Variants in MCTP1 observed in about 807,000 individuals in gnomAD.
MCTP1 encodes multiple C2 and transmembrane domain-containing protein 1.
MCTP1 carries 69 observed loss-of-function variants against 120.6 expected under a neutral mutation model. That is an observed-to-expected ratio of 0.57 (90% confidence interval 0.47 to 0.70). The LOEUF is 0.70. MCTP1 is among the 30% of genes least tolerant of loss of function. MCTP1 has a pLI of 0.00. For missense variants in MCTP1, 1,203 were observed against 1,248.8 expected (o/e 0.96, Z 0.55); for synonymous variants, 529 against 493.1 (o/e 1.07, Z -0.96).
chr5:94,821,990 A>C lies in MCTP1; in HGVS notation c.2437-22858T>G, dbSNP rs1358180278. ...GTAGCATGTGGCTCAAAGAGGTTTAAATATTAGGTTGCTGCAAAAGTAACT... is the reference window on the plus strand; with the variant it reads ...GTAGCATGTGGCTCAAAGAGGTTTACATATTAGGTTGCTGCAAAAGTAACT... On this transcript the variant is annotated intron_variant, in intron 17 of 22. Transcript: ENST00000515393. Among the ~76,000 whole-genome samples, 10 of 152,254 alleles carry C rather than the reference A, an allele frequency of 6.6e-5. No individual in the cohort carries two copies. The South Asian group carries it at 8.3e-4, about 13-fold the overall frequency.
intron 19 of MCTP1, among the ~76,000 whole-genome samples, chr5:94,740,021 A>G (rs1004636438): frequency 1.2e-4 from 19 of 152,186 alleles, no homozygotes; most frequent in African/African-American, 4.3e-4. Context: ...TCTTCATCAC[A>G]TGAAGTGCTA....
intron 2 of MCTP1, among the ~76,000 whole-genome samples, chr5:94,974,611 T>C (rs1258634077): frequency 6.6e-6 from 1 of 152,128 alleles, no homozygotes; most frequent in Non-Finnish European, 1.5e-5. Context: ...AGAGGATTCA[T>C]TGGCTTTGTT....
At chr5:94,800,695 T>C (rs1781055004) in intron 17 of MCTP1, among the ~76,000 whole-genome samples, 1 of 152,174 alleles carries the variant, frequency 6.6e-6, no homozygotes, top group Admixed American at 6.5e-5. Flanking sequence ...ACCATCCGTT[T>C]TTTCAATGTG....
intron 17 of MCTP1, among the ~76,000 whole-genome samples, chr5:94,806,842 T>G (rs942044026): frequency 6.6e-6 from 1 of 152,018 alleles, no homozygotes; most frequent in Non-Finnish European, 1.5e-5. Context: ...AATTAAGAGA[T>G]GAGATTCTCT....
intron 17 of MCTP1, among the ~76,000 whole-genome samples, chr5:94,842,774 G>A (rs80144672): frequency 0.024 from 3,681 of 152,214 alleles, 50 homozygotes; most frequent in African/African-American, 0.039. Flanking sequence ...TTTTATTACT[G>A]AAACATGATA....
intron 1 of MCTP1, among the ~76,000 whole-genome samples, chr5:95,275,363 C>T (rs1169377975): frequency 6.6e-6 from 1 of 152,192 alleles, no homozygotes; most frequent in East Asian, 1.9e-4. Flanking sequence ...TCCCAGGTGC[C>T]AGTATTCAGC....
chr5:95,110,597 CCTAA>C (rs1416258143), intron 1 of MCTP1, among the ~76,000 whole-genome samples: 1 of 152,084 alleles, frequency 6.6e-6, no homozygotes, highest in Non-Finnish European at 1.5e-5. Context: ...ATTGCAAAAA[CCTAA>C]CTAACACATT....
intron 18 of MCTP1, 68 bp from the exon 19 acceptor site, chr5:94,779,231 C>A: frequency 2.2e-6 from 3 of 1,340,584 alleles, no homozygotes; most frequent in Non-Finnish European, 3.2e-6. Flanking sequence ...TCATTTTGAA[C>A]CTTTTGGAAA....
chr5:94,832,180 G>C (rs985790285), intron 17 of MCTP1, among the ~76,000 whole-genome samples: 2 of 152,126 alleles, frequency 1.3e-5, no homozygotes, highest in Non-Finnish European at 2.9e-5. Flanking sequence ...GAAAATAAAA[G>C]GTCTGCATCT....
chr5:95,206,618 T>G (rs1751648779), intron 1 of MCTP1, among the ~76,000 whole-genome samples: 1 of 152,114 alleles, frequency 6.6e-6, no homozygotes, highest in South Asian at 2.1e-4. Flanking sequence ...CACTACAACT[T>G]CCGCCTCTCG....
intron 2 of MCTP1, among the ~76,000 whole-genome samples, chr5:94,982,732 T>C (rs1829667728): frequency 6.6e-6 from 1 of 151,308 alleles, no homozygotes; most frequent in Admixed American, 6.6e-5. Context: ...TTACTAAAAA[T>C]ACAAAAATTA....
At chr5:94,943,484 G>A (rs905865033) in intron 3 of MCTP1, among the ~76,000 whole-genome samples, 2 of 152,068 alleles carry the variant, frequency 1.3e-5, no homozygotes, top group African/African-American at 4.8e-5. Context: ...AGGATGCTAA[G>A]TAAATGGGAA....
At chr5:95,263,163 C>A (rs1445748551) in intron 1 of MCTP1, among the ~76,000 whole-genome samples, 2 of 152,180 alleles carry the variant, frequency 1.3e-5, no homozygotes, top group African/African-American at 4.8e-5. Flanking sequence ...CCCAGAGAAG[C>A]AATGTCACTA....
intron 17 of MCTP1, among the ~76,000 whole-genome samples, chr5:94,836,601 T>G (rs1344440875): frequency 2.6e-5 from 4 of 152,218 alleles, no homozygotes; most frequent in Admixed American, 2.6e-4. Flanking sequence ...AAATTCCCTT[T>G]CCCTAGTGAT....
intron 1 of MCTP1, among the ~76,000 whole-genome samples, chr5:95,120,699 C>G (rs1758158485): frequency 1.3e-5 from 2 of 152,088 alleles, no homozygotes; most frequent in Admixed American, 1.3e-4. Context: ...ATAATAAAAG[C>G]CATATACATC....
At chr5:94,726,806 T>C in intron 19 of MCTP1, among the ~76,000 whole-genome samples, 1 of 152,196 alleles carries the variant, frequency 6.6e-6, no homozygotes, top group East Asian at 1.9e-4. Context: ...GAAATTGGGC[T>C]CCTTTCAGGT....
intron 1 of MCTP1, among the ~76,000 whole-genome samples, chr5:95,208,254 T>A (rs915609168): frequency 3.9e-5 from 6 of 152,134 alleles, no homozygotes; most frequent in African/African-American, 1.4e-4. Flanking sequence ...CATGTCCAGC[T>A]AATTTTTTCT....
At chr5:95,041,638 T>C (rs1203019729) in intron 1 of MCTP1, among the ~76,000 whole-genome samples, 1 of 152,162 alleles carries the variant, frequency 6.6e-6, no homozygotes, top group Non-Finnish European at 1.5e-5. Context: ...ATTAGCTGGA[T>C]AGTATTTTAG....
At chr5:95,124,438 C>T (rs1758472745) in intron 1 of MCTP1, among the ~76,000 whole-genome samples, 1 of 152,180 alleles carries the variant, frequency 6.6e-6, no homozygotes. Flanking sequence ...ACATATAAAT[C>T]TCTTACTGGT....
Sources: allele counts gnomAD v4.1 joint callset (sites outside exome capture counted in the v4.1 genomes callset), GRCh38; gene constraint gnomAD v4.1.1; transcripts MANE v1.5; gene names NCBI Gene and HGNC (gene_info 2026-07-23, HGNC 2026-07-21).